The following COL15A1 variants were observed in gnomAD, a reference collection of about 807,000 sequenced individuals.
COL15A1 encodes collagen alpha-1(XV) chain.
Under a neutral mutation model 165.9 loss-of-function variants are expected in COL15A1, and 111 were observed. The observed-to-expected ratio is 0.67, with a 90% CI of 0.57 to 0.78. The LOEUF (loss-of-function observed/expected upper bound fraction) is 0.78. COL15A1 is among the 30% of genes least tolerant of loss of function. The probability of loss-of-function intolerance (pLI) is 0.00; values close to 1 mark genes in which losing one functional copy is unlikely to be tolerated. For missense variants in COL15A1, 1,745 were observed against 1,789.7 expected (o/e 0.98, Z 0.45); for synonymous variants, 659 against 674.8 (o/e 0.98, Z 0.36).
chr9:99,024,374 A>G (rs1231422118), intron 14 of COL15A1, among the ~76,000 whole-genome samples: 2 of 141,574 alleles, frequency 1.4e-5, no homozygotes, highest in African/African-American at 5.5e-5. Flanking sequence ...TCCACCTCCC[A>G]GGTTTACTTA....
At chr9:99,056,682 T>C (rs1336318618) in intron 35 of COL15A1, among the ~76,000 whole-genome samples, 1 of 152,214 alleles carries the variant, frequency 6.6e-6, no homozygotes, top group East Asian at 1.9e-4. Context: ...AGAAATTTCA[T>C]ACCAATTAGC....
At chr9:98,986,864 G>A (rs1200029302) in intron 3 of COL15A1, among the ~76,000 whole-genome samples, 3 of 152,200 alleles carry the variant, frequency 2.0e-5, no homozygotes, top group African/African-American at 7.2e-5. Flanking sequence ...GTCAGGTGTG[G>A]GGAGAGGGGA....
intron 2 of COL15A1, among the ~76,000 whole-genome samples, chr9:98,976,531 T>C (rs906129888): frequency 6.6e-6 from 1 of 152,000 alleles, no homozygotes; most frequent in African/African-American, 2.4e-5. Flanking sequence ...ATCGTGGAGA[T>C]GGGAGGGAAC....
chr9:98,966,140 G>A (rs1236503336), intron 2 of COL15A1, among the ~76,000 whole-genome samples: 1 of 152,182 alleles, frequency 6.6e-6, no homozygotes, highest in Non-Finnish European at 1.5e-5. Context: ...TTCTCCCCTA[G>A]GGAGATGTAA....
At chr9:99,018,196 C>T (rs930329854) in intron 11 of COL15A1, among the ~76,000 whole-genome samples, 5 of 152,154 alleles carry the variant, frequency 3.3e-5, no homozygotes, top group East Asian at 3.8e-4. Context: ...TACCTCTTTC[C>T]AGTTTGTTTG....
At chr9:98,975,649 C>T (rs2118853006) in intron 2 of COL15A1, among the ~76,000 whole-genome samples, 1 of 152,340 alleles carries the variant, frequency 6.6e-6, no homozygotes, top group Non-Finnish European at 1.5e-5. Context: ...CCTCTGCCTC[C>T]TCTGTCTCTG....
chr9:99,023,667 A>G lies in COL15A1; in HGVS notation c.1854+218A>G, dbSNP rs1839065227. Among the ~76,000 whole-genome samples, 3 of 152,136 alleles carry G rather than the reference A, an allele frequency of 2.0e-5. No individual in the cohort carries two copies. In the South Asian group the frequency reaches 6.2e-4, roughly 31 times the overall value. ...TTGCATTGTAAGTGAGTACGAGCCT[A>G]CATTTATCTTCAGGACCTCCTCACC... On this transcript the variant is annotated intron_variant, in intron 14 of 41. Coordinates refer to ENST00000375001, the MANE Select transcript of COL15A1 (RefSeq NM_001855.5).
At chr9:99,052,501 C>T in intron 31 of COL15A1, 68 bp downstream of exon 31, 2 of 1,311,404 alleles carry the variant, frequency 1.5e-6, no homozygotes, top group South Asian at 1.2e-5. Context: ...TTTTCCTTTG[C>T]CCAGTGCAGG....
At chr9:99,049,379 G>A (rs1005544469) in intron 28 of COL15A1, among the ~76,000 whole-genome samples, 3 of 152,230 alleles carry the variant, frequency 2.0e-5, no homozygotes, top group African/African-American at 7.2e-5. Flanking sequence ...CAGAATCTGA[G>A]TTGCAATCTC....
In COL15A1 at chr9:99,025,907, C is replaced by T. The variant is rs1165629818; in HGVS notation, c.1984C>T (p.Pro662Ser). ...GATTGTCACTGATGTTCCCCAGGGC[C>T]CTGAGGGACAGCCTGGAGTTGATGG... is the stretch of plus-strand genomic sequence containing the variant. ...GPAGEPGPPG[P>S]EGQPGVDGAT... The change falls in exon 16 of 42, where the codon CCT becomes TCT. Residue 662 changes from proline (P) to serine (S), a missense_variant. By Grantham distance (74) the Pro-to-Ser change is moderately conservative. Coordinates refer to ENST00000375001, the MANE Select transcript of COL15A1 (RefSeq NM_001855.5). The T allele has an allele frequency of 1.2e-6, 2 of 1,613,008 alleles. No homozygotes were observed. Among genetic ancestry groups the T allele is most frequent in the Non-Finnish European group, 1.7e-6 (2 of 1,179,640 alleles).
chr9:99,036,776 G>T (rs796793372), intron 21 of COL15A1, among the ~76,000 whole-genome samples: 5 of 152,352 alleles, frequency 3.3e-5, no homozygotes, highest in African/African-American at 1.2e-4. Flanking sequence ...GATTACTGAT[G>T]GAGGTTAGGT....
At chr9:99,035,452 T>A (rs1326340339) in intron 19 of COL15A1, 34 bp downstream of exon 19, 2 of 1,612,532 alleles carry the variant, frequency 1.2e-6, no homozygotes, top group African/African-American at 2.7e-5. Flanking sequence ...TTATGAGGGT[T>A]GTCACACTGT....
At chr9:98,973,825 G>A (rs777690800) in intron 2 of COL15A1, among the ~76,000 whole-genome samples, 2 of 152,234 alleles carry the variant, frequency 1.3e-5, no homozygotes, top group Admixed American at 6.5e-5. Flanking sequence ...AGTTAGGGGC[G>A]GTTAGAAAAA....
chr9:98,984,245 C>G (rs1838273988), intron 2 of COL15A1, among the ~76,000 whole-genome samples: 2 of 152,220 alleles, frequency 1.3e-5, no homozygotes, highest in African/African-American at 4.8e-5. Context: ...CTGGGACTTG[C>G]CTTCCTGTCT....
chr9:99,049,201 C>T lies in COL15A1; in HGVS notation c.2794-489C>T, dbSNP rs567349494. Among the ~76,000 whole-genome samples the T allele has an allele frequency of 1.4e-4, 21 of 152,304 alleles. 1 individual carries two copies. The highest frequency in any genetic ancestry group is 4.6e-4 in the African/African-American group (19 of 41,562). ...TGGTACTAAGGCCAAGCTGGCTTCA[C>T]TTTGAAAATGACTGTGCTATCTAAC... On this transcript the variant is annotated intron_variant, in intron 28 of 41. Transcript: ENST00000375001.
At chr9:99,037,595 A>G (rs1355752757) in intron 21 of COL15A1, among the ~76,000 whole-genome samples, 4 of 152,214 alleles carry the variant, frequency 2.6e-5, no homozygotes, top group Non-Finnish European at 4.4e-5. Flanking sequence ...AAAAATAAAG[A>G]TAAGTAAGAC....
In COL15A1 at chr9:98,948,404, C is replaced by T. The variant is rs565687810; in HGVS notation, c.100+4154C>T. Among the ~76,000 whole-genome samples, 258 of 152,174 alleles carry T rather than the reference C, an allele frequency of 1.7e-3. 1 individual carries two copies. The highest frequency in any genetic ancestry group is 5.9e-3 in the African/African-American group (247 of 41,520). ...ATTAGGTCAGGAGATTGAGACCATCCTAGCTAACACGGTGAAACCCTGTCT... is the reference window on the plus strand; with the variant it reads ...ATTAGGTCAGGAGATTGAGACCATCTTAGCTAACACGGTGAAACCCTGTCT... On this transcript the variant is annotated intron_variant, in intron 2 of 41. Transcript: ENST00000375001.
chr9:99,017,963 TC>T (rs1838965727), intron 11 of COL15A1, among the ~76,000 whole-genome samples: 1 of 152,220 alleles, frequency 6.6e-6, no homozygotes, highest in African/African-American at 2.4e-5. Flanking sequence ...CTGTTCCACC[TC>T]CTACCACCAT....
chr9:99,041,731 C>T (rs2119071461), intron 23 of COL15A1, among the ~76,000 whole-genome samples: 1 of 152,156 alleles, frequency 6.6e-6, no homozygotes, highest in East Asian at 1.9e-4. Flanking sequence ...GCAGGGTGGC[C>T]TGGAGGAGCC....
Sources: allele counts gnomAD v4.1 joint callset (sites outside exome capture counted in the v4.1 genomes callset), GRCh38; gene constraint gnomAD v4.1.1; transcripts MANE v1.5; gene names NCBI Gene and HGNC (gene_info 2026-07-23, HGNC 2026-07-21).